Variants in WDR27 observed in about 807,000 individuals in gnomAD.
WDR27 encodes WD repeat-containing protein 27.
WDR27 carries 100 observed loss-of-function variants against 114.4 expected under a neutral mutation model. The observed-to-expected ratio is 0.87, with a 90% confidence interval of 0.74 to 1.03. WDR27 has a LOEUF of 1.03. WDR27 is among the 50% of genes least tolerant of loss of function. The probability of loss-of-function intolerance (pLI) is 0.00; values close to 1 mark genes in which losing one functional copy is unlikely to be tolerated. For synonymous variants in WDR27, 449 were observed against 423.1 expected (o/e 1.06, Z -0.75); for missense variants, 1,129 against 1,092.9 (o/e 1.03, Z -0.47).
intron 21 of WDR27, among the ~76,000 whole-genome samples, chr6:169,615,072 C>T (rs978891642): frequency 6.6e-6 from 1 of 151,888 alleles, no homozygotes; most frequent in African/African-American, 2.4e-5. Context: ...AAAGAAAATT[C>T]AGGATAAGTA....
chr6:169,651,187 GGGGGGGAGT>G (rs1562817478), intron 14 of WDR27, among the ~76,000 whole-genome samples: 4 of 109,312 alleles, frequency 3.7e-5, no homozygotes, highest in African/African-American at 1.9e-4. Context: ...GCGGGGCGGG[GGGGGGGAGT>G]GGGGGAGTGG....
chr6:169,524,198 T>C (rs952617904), intron 25 of WDR27, among the ~76,000 whole-genome samples: 1 of 152,042 alleles, frequency 6.6e-6, no homozygotes, highest in Non-Finnish European at 1.5e-5. Context: ...CTACAAAGAA[T>C]ATAAAATGCC....
intron 25 of WDR27, among the ~76,000 whole-genome samples, chr6:169,544,426 C>CT (rs201281369): frequency 0.11 from 15,950 of 140,792 alleles, 1,676 homozygotes; most frequent in East Asian, 0.59. Context: ...ATTTCTTTTC[C>CT]TTTTTTTTTT....
chr6:169,584,497 G>C (rs1804171349), intron 23 of WDR27, among the ~76,000 whole-genome samples: 1 of 152,146 alleles, frequency 6.6e-6, no homozygotes, highest in African/African-American at 2.4e-5. Context: ...CTGTTTTCCA[G>C]ATGGCTGCAC....
chr6:169,667,144 A>C lies in WDR27; in HGVS notation c.704T>G (p.Val235Gly), dbSNP rs772982019. 50 of 1,524,746 alleles carry C rather than the reference A, an allele frequency of 3.3e-5. No homozygotes were observed. Among genetic ancestry groups the C allele is most frequent in the Non-Finnish European group, 4.4e-5 (50 of 1,138,280 alleles). 94.5% of individuals were successfully genotyped at this position (1,524,746 alleles called of 1,614,324 possible). Residue 235 changes from valine to glycine, a missense_variant, in exon 6 of 26, where the codon GTG becomes GGG. Transcript: ENST00000448612. Reference protein sequence around the residue: ...CTGSLIYSSSVLSAYPLLSLF... With the variant: ...CTGSLIYSSSGLSAYPLLSLF... ...GAAAGTTTTAAATTTACCTGATAAC[A>C]CAGATGAACTGTATATTAATGATCC...
chr6:169,628,801 C>T (rs1296255078), intron 21 of WDR27, among the ~76,000 whole-genome samples: 2 of 152,230 alleles, frequency 1.3e-5, no homozygotes, highest in African/African-American at 4.8e-5. Context: ...AACTCAGCTT[C>T]TGATCTGCTG....
At chr6:169,610,472 G>A (rs1810268073) in intron 22 of WDR27, among the ~76,000 whole-genome samples, 1 of 152,156 alleles carries the variant, frequency 6.6e-6, no homozygotes, top group South Asian at 2.1e-4. Flanking sequence ...AGACACAAAA[G>A]CAGAAACCCC....
At chr6:169,572,847 T>C (rs765511124) in intron 24 of WDR27, among the ~76,000 whole-genome samples, 1 of 152,138 alleles carries the variant, frequency 6.6e-6, no homozygotes, top group Non-Finnish European at 1.5e-5. Context: ...CAAAAAACAT[T>C]TTATGCCCAA....
At chr6:169,523,963 A>G (rs1794682568) in intron 25 of WDR27, among the ~76,000 whole-genome samples, 1 of 152,196 alleles carries the variant, frequency 6.6e-6, no homozygotes, top group Admixed American at 6.5e-5. Context: ...AAGAGAAAGA[A>G]TTAATAGACA....
chr6:169,626,308 G>C (rs1814804500), intron 21 of WDR27, among the ~76,000 whole-genome samples: 1 of 152,184 alleles, frequency 6.6e-6, no homozygotes, highest in Admixed American at 6.5e-5. Flanking sequence ...CACAGAGGGT[G>C]ACAGAGGGGG....
At chr6:169,645,823 A>G (rs13208914) in intron 16 of WDR27, among the ~76,000 whole-genome samples, 6,246 of 144,068 alleles carry the variant, frequency 0.043, 236 homozygotes, top group Non-Finnish European at 0.065. Flanking sequence ...CAGGAGTCAC[A>G]CTGTAGAAAA....
At chr6:169,622,289 T>C (rs1048816360) in intron 21 of WDR27, among the ~76,000 whole-genome samples, 2 of 152,150 alleles carry the variant, frequency 1.3e-5, no homozygotes, top group African/African-American at 2.4e-5. Context: ...CTCGGGCAAA[T>C]GTCGTCAGGA....
At chr6:169,660,137 T>C (rs1309950602) in intron 10 of WDR27, among the ~76,000 whole-genome samples, 1 of 110,096 alleles carries the variant, frequency 9.1e-6, no homozygotes, top group Non-Finnish European at 1.8e-5. Context: ...GCAGAAAGAG[T>C]GCGGCTGGTG....
intron 21 of WDR27, among the ~76,000 whole-genome samples, chr6:169,615,374 T>A (rs1811558233): frequency 1.3e-5 from 2 of 152,134 alleles, no homozygotes; most frequent in Admixed American, 1.3e-4. Flanking sequence ...CTCTCCCTCC[T>A]CCCACCCTCC....
rs148209877 is a variant in WDR27 at position 169,552,117 on chromosome 6, G to A, written c.2645+20302C>T. On this transcript the variant is annotated intron_variant, in intron 25 of 25. Coordinates refer to ENST00000448612, the MANE Select transcript of WDR27 (RefSeq NM_182552.5). ...CCTCTCACTTGCTGCTCCAGTGTCCGTCCTGCTGACCCAAGCATCCAGGCT... is the reference window on the plus strand; with the variant it reads ...CCTCTCACTTGCTGCTCCAGTGTCCATCCTGCTGACCCAAGCATCCAGGCT... Among the ~76,000 whole-genome samples the A allele has an allele frequency of 4.6e-3, 707 of 152,156 alleles. 3 individuals carry two copies. The highest frequency in any genetic ancestry group is 0.015 in the African/African-American group (639 of 41,500).
intron 25 of WDR27, among the ~76,000 whole-genome samples, chr6:169,546,417 C>A (rs764153393): frequency 3.3e-5 from 5 of 152,286 alleles, no homozygotes; most frequent in South Asian, 2.1e-4. Context: ...TCAGCCTCCA[C>A]GTGCACTCCC....
chr6:169,462,484 G>A (rs764508601), intron 25 of WDR27, among the ~76,000 whole-genome samples: 2 of 151,498 alleles, frequency 1.3e-5, no homozygotes, highest in Non-Finnish European at 2.9e-5. Flanking sequence ...AGGGGGGAGA[G>A]AGAGAGAGAA....
intron 22 of WDR27, among the ~76,000 whole-genome samples, chr6:169,603,064 A>T (rs1177955121): frequency 6.6e-6 from 1 of 151,010 alleles, no homozygotes; most frequent in Non-Finnish European, 1.5e-5. Flanking sequence ...CTGGTCTCGA[A>T]CTCCTGACCT....
chr6:169,441,110 A>C, the WDR27 span, among the ~76,000 whole-genome samples: 1 of 152,122 alleles, frequency 6.6e-6, no homozygotes, highest in Non-Finnish European at 1.5e-5. Context: ...TGCCTAAGAG[A>C]CTAATAAGGT....
Sources: allele counts gnomAD v4.1 joint callset (sites outside exome capture counted in the v4.1 genomes callset), GRCh38; gene constraint gnomAD v4.1.1; transcripts MANE v1.5; gene names NCBI Gene and HGNC (gene_info 2026-07-23, HGNC 2026-07-21).